Variants in UBAP1 observed in about 807,000 individuals in gnomAD.
UBAP1 encodes ubiquitin associated protein 1, also known as ubiquitin-associated protein 1.
A neutral mutation model predicts 39.0 loss-of-function variants in UBAP1; 5 were observed. The ratio of observed to expected loss-of-function variants is 0.13; its 90% CI spans 0.07 to 0.27. UBAP1 has a LOEUF of 0.27. Among genes scored for constraint, UBAP1 ranks in the 10% least tolerant of loss-of-function variants. The pLI is 1.00. For missense variants in UBAP1, 490 were observed against 608.1 expected (o/e 0.81, Z 2.04); for synonymous variants, 211 against 225.1 (o/e 0.94, Z 0.56).
At position 34,241,407 on chromosome 9, in the gene UBAP1, A is replaced by T. The variant is rs765455236; in HGVS notation, c.382A>T (p.Ser128Cys). 6.3e-7 allele frequency: 1 copy of T among 1,578,944 alleles called. No individual in the cohort carries two copies. The highest frequency in any genetic ancestry group is 8.6e-7 in the Non-Finnish European group (1 of 1,162,224). The change falls in exon 4 of 7, where the codon AGC becomes TGC. Residue 128 changes from serine (S) to cysteine (C), a missense_variant. Ser to Cys is a moderately radical substitution (Grantham distance 112). This residue lies in a region of UBAP1 where 144 missense variants were observed against 184.4 expected (regional missense o/e 0.78). Transcript: ENST00000297661. ...CATCCTCGCCAGCTTGCAGCACAAC[A>T]GCATCCTCACACCAACTCGGGTCAG... ...NPILASLQHN[S>C]ILTPTRVSSS...
intron 1 of UBAP1, among the ~76,000 whole-genome samples, chr9:34,180,941 G>A (rs1161548379): frequency 6.7e-6 from 1 of 149,090 alleles, no homozygotes; most frequent in East Asian, 2.0e-4. Flanking sequence ...CTCCCGAGTA[G>A]CTGAGATTAT....
intron 1 of UBAP1, among the ~76,000 whole-genome samples, chr9:34,196,839 T>A (rs1402200632): frequency 6.6e-6 from 1 of 152,082 alleles, no homozygotes; most frequent in Non-Finnish European, 1.5e-5. Flanking sequence ...AGATTTGCTT[T>A]TTATTATTTG....
chr9:34,238,601 T>C (rs535043283), intron 3 of UBAP1, among the ~76,000 whole-genome samples: 2 of 152,056 alleles, frequency 1.3e-5, no homozygotes, highest in South Asian at 4.1e-4. Context: ...ATTTCTTTCA[T>C]GTCTAATGGT....
Position 34,179,055 on chromosome 9 carries a change from T to C in UBAP1, c.-193T>C. ...AGGGGAAGGAGGAGGGAAGTAGGAC[T>C]TCAACATGGCGGCTGCGGCACTGGC... On this transcript the variant is annotated 5_prime_UTR_variant, in exon 1 of 7. Transcript: ENST00000297661. 7.8e-7 allele frequency: 1 copy of C among 1,278,800 alleles called. No homozygotes were observed. Among genetic ancestry groups the C allele is most frequent in the Non-Finnish European group, 9.9e-7 (1 of 1,011,466 alleles). 79.2% of individuals were successfully genotyped at this position (1,278,800 alleles called of 1,614,324 possible).
At chr9:34,217,029 A>G (rs964685396) in intron 1 of UBAP1, among the ~76,000 whole-genome samples, 1 of 150,074 alleles carries the variant, frequency 6.7e-6, no homozygotes, top group Non-Finnish European at 1.5e-5. Flanking sequence ...TCCCTTTACT[A>G]CCCTCCCCAC....
chr9:34,250,618 G>T, intron 5 of UBAP1, 40 bp from the exon 6 acceptor site: 1 of 1,540,430 alleles, frequency 6.5e-7, no homozygotes, highest in South Asian at 1.1e-5. Context: ...GCACAGCAAA[G>T]AGCAGCAGTA....
In UBAP1 at chr9:34,206,450, C is replaced by T. The variant is rs1831695967; in HGVS notation, c.-7-14458C>T. On this transcript the variant is annotated intron_variant, in intron 1 of 6. Transcript: ENST00000297661. ...ACTTGAGCTCGGGAGGTTGAGGCTG[C>T]AGTGAGTCAAGATTGTGCCACTGCA... Among the ~76,000 whole-genome samples, 3 of 152,050 alleles carry T rather than the reference C, an allele frequency of 2.0e-5. No individual in the cohort carries two copies. In the South Asian group the frequency reaches 6.2e-4, roughly 32 times the overall value.
chr9:34,249,243 T>C (rs988004581), intron 4 of UBAP1, among the ~76,000 whole-genome samples: 15 of 152,044 alleles, frequency 9.9e-5, no homozygotes, highest in African/African-American at 3.6e-4. Flanking sequence ...TCCTGAGCTG[T>C]CCAGGTTCCT....
intron 1 of UBAP1, among the ~76,000 whole-genome samples, chr9:34,188,971 A>G (rs1275604917): frequency 6.6e-6 from 1 of 152,144 alleles, no homozygotes; most frequent in Non-Finnish European, 1.5e-5. Context: ...AAAATAAAAA[A>G]TAAAAAAGAT....
At chr9:34,209,004 G>C (rs1307218547) in intron 1 of UBAP1, among the ~76,000 whole-genome samples, 1 of 151,634 alleles carries the variant, frequency 6.6e-6, no homozygotes, top group African/African-American at 2.4e-5. Flanking sequence ...GCGTGATCTC[G>C]GCTCACCGCA....
chr9:34,192,961 A>G (rs1329447406), intron 1 of UBAP1, among the ~76,000 whole-genome samples: 1 of 152,158 alleles, frequency 6.6e-6, no homozygotes, highest in Non-Finnish European at 1.5e-5. Flanking sequence ...CTGCTATTAT[A>G]GCTGATAAGT....
At chr9:34,238,690 T>C (rs928555317) in intron 3 of UBAP1, among the ~76,000 whole-genome samples, 16 of 152,218 alleles carry the variant, frequency 1.1e-4, no homozygotes, top group African/African-American at 3.1e-4. Flanking sequence ...AGAAGAGAGA[T>C]AGACCTACTT....
intron 3 of UBAP1, among the ~76,000 whole-genome samples, chr9:34,238,422 C>T (rs1833807612): frequency 1.3e-5 from 2 of 152,178 alleles, no homozygotes; most frequent in South Asian, 4.1e-4. Flanking sequence ...CTATGTTTAA[C>T]ATTTTAAAGA....
intron 1 of UBAP1, among the ~76,000 whole-genome samples, chr9:34,195,500 T>A (rs146309616): frequency 6.6e-6 from 1 of 152,190 alleles, no homozygotes; most frequent in Non-Finnish European, 1.5e-5. Context: ...TTTATGCCAG[T>A]ATCACACTAT....
intron 1 of UBAP1, among the ~76,000 whole-genome samples, chr9:34,184,831 C>T (rs551448055): frequency 6.1e-4 from 92 of 151,378 alleles, no homozygotes; most frequent in Non-Finnish European, 1.0e-3. Context: ...ACCATGTTGG[C>T]CAGGATGGTC....
Position 34,241,834 on chromosome 9 carries a change from A to C in UBAP1, c.809A>C (p.Lys270Thr), listed in dbSNP as rs745404379. 6.2e-7 allele frequency: 1 copy of C among 1,614,002 alleles called. No homozygotes were observed. The highest frequency in any genetic ancestry group is 8.5e-7 in the Non-Finnish European group (1 of 1,180,014). ...AATATCAAATCCCTGTCTTTCCCCAAACTTGACTCTGATGACAGCAATCAG... is the reference window on the plus strand; with the variant it reads ...AATATCAAATCCCTGTCTTTCCCCACACTTGACTCTGATGACAGCAATCAG... ...VSNIKSLSFP[K>T]LDSDDSNQKT... The change falls in exon 4 of 7, where the codon AAA becomes ACA. Residue 270 changes from lysine to threonine, a missense_variant. Lys to Thr is a moderately conservative substitution (Grantham distance 78). This residue lies in a region of UBAP1 where 339 missense variants were observed against 390.0 expected (regional missense o/e 0.87). Transcript: ENST00000297661.
intron 1 of UBAP1, among the ~76,000 whole-genome samples, 196 bp from the exon 2 acceptor site, chr9:34,220,712 C>T (rs1312789693): frequency 6.6e-6 from 1 of 152,112 alleles, no homozygotes; most frequent in South Asian, 2.1e-4. Flanking sequence ...ATCCTCCCAC[C>T]TCTGCCGCCC....
intron 2 of UBAP1, among the ~76,000 whole-genome samples, chr9:34,225,459 T>G (rs1219542889): frequency 6.6e-6 from 1 of 151,994 alleles, no homozygotes; most frequent in African/African-American, 2.4e-5. Context: ...GGATAAGGAC[T>G]TTCTTGGAGC....
intron 1 of UBAP1, among the ~76,000 whole-genome samples, chr9:34,210,859 C>A (rs1336228108): frequency 6.7e-6 from 1 of 150,068 alleles, no homozygotes. Context: ...CACATCGTTG[C>A]TGGTTTGAAT....
Sources: gnomAD v4.1 joint callset for allele counts (sites outside exome capture counted in the v4.1 genomes callset) on GRCh38, gnomAD v4.1.1 for gene constraint, gnomAD v4.1.1 regional missense constraint, MANE v1.5 for transcripts, NCBI Gene and HGNC (gene_info 2026-07-23, HGNC 2026-07-21) for gene names.